Variants in CNOT2 observed in about 807,000 individuals in gnomAD.
The protein encoded by CNOT2 is CCR4-NOT transcription complex subunit 2, also known as CC chemokine receptor 4-negative regulator of transcription 2.
In CNOT2, 7 loss-of-function variants were observed where a neutral mutation model predicts 72.1. The observed-to-expected ratio is 0.10, with a 90% CI of 0.06 to 0.18. CNOT2 has a LOEUF of 0.18. Among genes scored for constraint, CNOT2 ranks in the 10% least tolerant of loss-of-function variants. The pLI is 1.00. For missense variants in CNOT2, 345 were observed against 660.3 expected (o/e 0.52, Z 5.23); for synonymous variants, 196 against 225.6 (o/e 0.87, Z 1.17).
At position 70,337,444 on chromosome 12, in the gene CNOT2, T is replaced by C; in HGVS notation, c.831T>C (p.Asn277=). ...AATCCCAGGACTTCTCAATACACAA[T>C]GAAGATTTTCCAGCATTACCAGGCT... ...NEQSQDFSIH[N]EDFPALPGSS... is the part of the protein sequence containing the mutation. The change falls in exon 9 of 16, where the codon AAT becomes AAC. Residue 277 remains asparagine, a synonymous_variant. Transcript: ENST00000229195. 6.2e-7 allele frequency: 1 copy of C among 1,610,190 alleles called. No homozygotes were observed. The highest frequency in any genetic ancestry group is 8.5e-7 in the Non-Finnish European group (1 of 1,176,902).
intron 1 of CNOT2, among the ~76,000 whole-genome samples, chr12:70,249,439 A>G (rs1183806824): frequency 2.0e-5 from 3 of 151,878 alleles, no homozygotes; most frequent in Non-Finnish European, 4.4e-5. Flanking sequence ...TAAACAAGCT[A>G]TTTTGGTCAA....
intron 9 of CNOT2, 24 bp from the exon 10 acceptor site, chr12:70,338,419 C>T (rs1043224517): frequency 6.3e-7 from 1 of 1,580,354 alleles, no homozygotes; most frequent in Non-Finnish European, 8.6e-7. Context: ...ATTTTAATGT[C>T]ACATTTAATT....
intron 1 of CNOT2, among the ~76,000 whole-genome samples, chr12:70,261,157 T>C (rs975991815): frequency 1.3e-5 from 2 of 152,028 alleles, no homozygotes; most frequent in Non-Finnish European, 2.9e-5. Flanking sequence ...TGTTCTAATA[T>C]GTTGTATTAC....
chr12:70,340,630 C>A (rs993076864), intron 11 of CNOT2, among the ~76,000 whole-genome samples: 3 of 152,042 alleles, frequency 2.0e-5, no homozygotes, highest in Non-Finnish European at 4.4e-5. Flanking sequence ...CTTTTATACC[C>A]CATAATCAGG....
chr12:70,306,889 G>C (rs1875507364), intron 2 of CNOT2, among the ~76,000 whole-genome samples: 1 of 152,166 alleles, frequency 6.6e-6, no homozygotes, highest in Admixed American at 6.5e-5. Flanking sequence ...ATAACCTCTT[G>C]CTCCTAGGCT....
intron 8 of CNOT2, 119 bp from the exon 9 acceptor site, chr12:70,337,270 C>T: frequency 1.4e-6 from 1 of 728,746 alleles, no homozygotes. Context: ...AGTACGCTTT[C>T]ATAGCATTAA....
At chr12:70,259,693 A>G (rs1441734544) in intron 1 of CNOT2, among the ~76,000 whole-genome samples, 1 of 152,048 alleles carries the variant, frequency 6.6e-6, no homozygotes, top group East Asian at 1.9e-4. Context: ...CTTCTGTTGG[A>G]TATTGTTTTG....
chr12:70,342,470 G>A (rs1881636582), intron 13 of CNOT2, 163 bp downstream of exon 13: 1 of 797,404 alleles, frequency 1.3e-6, no homozygotes, highest in South Asian at 2.4e-5. Context: ...GTTAGGACTG[G>A]TAAAAAATAA....
intron 4 of CNOT2, among the ~76,000 whole-genome samples, chr12:70,324,728 C>G (rs1487859623): frequency 6.6e-6 from 1 of 151,906 alleles, no homozygotes; most frequent in Non-Finnish European, 1.5e-5. Flanking sequence ...AGCCACTTAG[C>G]TCCATCCATG....
At chr12:70,329,349 G>A in intron 4 of CNOT2, 74 bp from the exon 5 acceptor site, 9 of 1,242,244 alleles carry the variant, frequency 7.2e-6, no homozygotes, top group South Asian at 4.9e-5. Context: ...GTCTTAAATC[G>A]CCAACTCCAG....
intron 2 of CNOT2, among the ~76,000 whole-genome samples, chr12:70,287,762 A>C (rs374687923): frequency 4.7e-5 from 7 of 150,008 alleles, no homozygotes; most frequent in African/African-American, 1.7e-4. Context: ...GGAAGTTGTC[A>C]CATATTATGC....
chr12:70,273,572 C>CT (rs1868332964), intron 1 of CNOT2, among the ~76,000 whole-genome samples: 1 of 152,132 alleles, frequency 6.6e-6, no homozygotes. Context: ...GAAACAGCCC[C>CT]TGTTGTCTGA....
At chr12:70,282,736 T>C (rs1304643546) in intron 2 of CNOT2, among the ~76,000 whole-genome samples, 1 of 152,240 alleles carries the variant, frequency 6.6e-6, no homozygotes, top group Non-Finnish European at 1.5e-5. Flanking sequence ...AATTTTGTGT[T>C]TCATTCTTTA....
intron 2 of CNOT2, chr12:70,294,201 A>G (rs1278770396): frequency 7.8e-7 from 1 of 1,289,348 alleles, no homozygotes; most frequent in African/African-American, 1.5e-5. Context: ...GGCTGGTGCC[A>G]TGGCTCACCC....
chr12:70,262,313 G>T (rs571382975), intron 1 of CNOT2, among the ~76,000 whole-genome samples: 1 of 151,966 alleles, frequency 6.6e-6, no homozygotes, highest in South Asian at 2.1e-4. Context: ...TCGCTCTGTC[G>T]CCCAGGCTGG....
chr12:70,256,735 CATGT>C (rs1172183575), intron 1 of CNOT2, among the ~76,000 whole-genome samples: 1 of 151,982 alleles, frequency 6.6e-6, no homozygotes, highest in African/African-American at 2.4e-5. Context: ...CCTTTGCATG[CATGT>C]GTTTGTAAGC....
chr12:70,301,448 CA>C (rs1463240599), intron 2 of CNOT2, among the ~76,000 whole-genome samples: 5 of 151,706 alleles, frequency 3.3e-5, no homozygotes, highest in African/African-American at 1.2e-4. Context: ...TGAATTTTGT[CA>C]AAGGCCTTTT....
At chr12:70,349,646 G>T (rs1162897963) in intron 15 of CNOT2, among the ~76,000 whole-genome samples, 2 of 152,064 alleles carry the variant, frequency 1.3e-5, no homozygotes, top group Admixed American at 1.3e-4. Context: ...GTGACCCTGA[G>T]TTCTAGAATC....
intron 3 of CNOT2, among the ~76,000 whole-genome samples, chr12:70,315,049 A>T (rs1364007364): frequency 3.9e-5 from 6 of 152,012 alleles, no homozygotes. Flanking sequence ...TTTTTAGTAG[A>T]AACGGGGTTT....
Sources: gnomAD v4.1 joint callset for allele counts (sites outside exome capture counted in the v4.1 genomes callset) on GRCh38, gnomAD v4.1.1 for gene constraint, MANE v1.5 for transcripts, NCBI Gene and HGNC (gene_info 2026-07-23, HGNC 2026-07-21) for gene names.